Variants in GALNT13 observed in about 807,000 individuals in gnomAD.
GALNT13 encodes polypeptide N-acetylgalactosaminyltransferase 13, also known as UDP-GalNAc:polypeptide N-acetylgalactosaminyltransferase 13.
In GALNT13, 28 loss-of-function variants were observed where a neutral mutation model predicts 64.2. The ratio of observed to expected loss-of-function variants is 0.44; its 90% CI spans 0.32 to 0.60. The LOEUF is 0.60. GALNT13 is among the 20% of genes least tolerant of loss of function. GALNT13 has a pLI of 0.05. For synonymous variants in GALNT13, 214 were observed against 224.6 expected (o/e 0.95, Z 0.42); for missense variants, 577 against 669.8 (o/e 0.86, Z 1.53).
the GALNT13 span, among the ~76,000 whole-genome samples, chr2:153,359,629 G>GAAAAAAAAAAA: frequency 3.4e-4 from 3 of 8,924 alleles, no homozygotes; most frequent in Non-Finnish European, 6.4e-4. Flanking sequence ...CCAGCTTTCA[G>GAAAAAAAAAAA]CAAAAAAAAA....
At chr2:153,422,350 T>G in the GALNT13 span, among the ~76,000 whole-genome samples, 1 of 152,084 alleles carries the variant, frequency 6.6e-6, no homozygotes, top group Non-Finnish European at 1.5e-5. Context: ...AATAGAAGAT[T>G]TTTAAATGGA....
At chr2:154,015,134 A>G (rs187963361) in intron 3 of GALNT13, among the ~76,000 whole-genome samples, 1 of 152,348 alleles carries the variant, frequency 6.6e-6, no homozygotes, top group East Asian at 1.9e-4. Flanking sequence ...AAGTTAAAAA[A>G]GGAAAAATAA....
chr2:153,485,507 C>T, the GALNT13 span, among the ~76,000 whole-genome samples: 5 of 152,302 alleles, frequency 3.3e-5, no homozygotes, highest in South Asian at 1.0e-3. Context: ...AGGTTTGCCG[C>T]CACCCAAACA....
the GALNT13 span, among the ~76,000 whole-genome samples, chr2:153,644,726 C>T: frequency 1.3e-4 from 20 of 152,114 alleles, no homozygotes; most frequent in African/African-American, 4.6e-4. Flanking sequence ...ATTCCTACTA[C>T]GTTGGAATTC....
the GALNT13 span, among the ~76,000 whole-genome samples, chr2:153,846,005 G>A: frequency 6.6e-6 from 1 of 152,162 alleles, no homozygotes; most frequent in African/African-American, 2.4e-5. Flanking sequence ...TGTAACAAAA[G>A]TAAAGGCAAA....
intron 4 of GALNT13, among the ~76,000 whole-genome samples, chr2:154,188,014 T>TTCTC (rs10635676): frequency 0.12 from 17,816 of 144,268 alleles, 1,063 homozygotes; most frequent in East Asian, 0.15. Flanking sequence ...GCATCAGGCA[T>TTCTC]TCTCTCTCTC....
chr2:153,965,946 A>C (rs923559657), intron 3 of GALNT13, among the ~76,000 whole-genome samples: 8 of 151,948 alleles, frequency 5.3e-5, no homozygotes, highest in African/African-American at 1.9e-4. Flanking sequence ...GTTGGTTTTT[A>C]GTTTTCCTAC....
chr2:153,094,548 A>T, the GALNT13 span, among the ~76,000 whole-genome samples: 1 of 152,216 alleles, frequency 6.6e-6, no homozygotes, highest in African/African-American at 2.4e-5. Context: ...TTTAAAGTTC[A>T]TATGGAACCA....
At chr2:153,291,460 A>AT in the GALNT13 span, among the ~76,000 whole-genome samples, 346 of 152,260 alleles carry the variant, frequency 2.3e-3, 3 homozygotes, top group Non-Finnish European at 4.0e-3. Flanking sequence ...CAATAGTAAT[A>AT]TTTTCAACAA....
the GALNT13 span, among the ~76,000 whole-genome samples, chr2:153,193,191 A>G: frequency 0.035 from 5,291 of 151,928 alleles, 305 homozygotes; most frequent in African/African-American, 0.12. Context: ...AAAGACTTGG[A>G]ACCAACCCAA....
At chr2:153,116,854 C>T in the GALNT13 span, among the ~76,000 whole-genome samples, 1 of 124,246 alleles carries the variant, frequency 8.0e-6, no homozygotes, top group African/African-American at 3.0e-5. Context: ...GGCTGGAGTG[C>T]AGGGGCGCGA....
At chr2:153,282,417 T>C in the GALNT13 span, among the ~76,000 whole-genome samples, 1 of 152,160 alleles carries the variant, frequency 6.6e-6, no homozygotes, top group African/African-American at 2.4e-5. Context: ...ATAGCTAGTG[T>C]GATCCTTTTT....
the GALNT13 span, among the ~76,000 whole-genome samples, chr2:153,113,142 A>G: frequency 6.6e-6 from 1 of 152,058 alleles, no homozygotes; most frequent in African/African-American, 2.4e-5. Flanking sequence ...AAGAGATTGT[A>G]TTTGTTGAGG....
chr2:154,105,889 C>A (rs1316365278), intron 3 of GALNT13, among the ~76,000 whole-genome samples: 3 of 152,228 alleles, frequency 2.0e-5, no homozygotes, highest in East Asian at 3.9e-4. Flanking sequence ...CTAGTACCTA[C>A]CGTAGCAGAC....
intron 4 of GALNT13, among the ~76,000 whole-genome samples, chr2:154,148,389 T>G (rs1409817971): frequency 6.6e-6 from 1 of 152,120 alleles, no homozygotes; most frequent in Non-Finnish European, 1.5e-5. Context: ...TAAACATACA[T>G]GTGCACGTGT....
chr2:153,433,210 ACT>A, the GALNT13 span, among the ~76,000 whole-genome samples: 1 of 152,198 alleles, frequency 6.6e-6, no homozygotes, highest in Non-Finnish European at 1.5e-5. Flanking sequence ...TCAAAGGAGA[ACT>A]TGAAACAGGA....
rs183695720 is a variant in GALNT13 at position 154,153,778 on chromosome 2, A to G, written c.311+13273A>G. Among the ~76,000 whole-genome samples the G allele has an allele frequency of 2.7e-3, 410 of 152,294 alleles. 16 individuals carry two copies. The East Asian group carries it at 0.072, about 27-fold the overall frequency. On this transcript the variant is annotated intron_variant, in intron 4 of 12. Coordinates refer to ENST00000392825, the MANE Select transcript of GALNT13 (RefSeq NM_052917.4). ...TCCTGGTGTGCCGTTTTTTAAGCCC[A>G]TTGGAAAAGCGCAGTATTAGGGCGG...
In GALNT13 at chr2:154,340,355, C is replaced by G. The variant is rs572989767; in HGVS notation, c.1156+38766C>G. Among the ~76,000 whole-genome samples the G allele has an allele frequency of 5.3e-5, 8 of 152,226 alleles. No individual in the cohort carries two copies. In the South Asian group the frequency reaches 1.0e-3, roughly 20 times the overall value. On this transcript the variant is annotated intron_variant, in intron 9 of 12. Transcript: ENST00000392825. ...CATCCCACTTCAGCCTTTCCTGTAGCTGGGAACTACAGGTGCATGCCACTG... is the reference window on the plus strand; with the variant it reads ...CATCCCACTTCAGCCTTTCCTGTAGGTGGGAACTACAGGTGCATGCCACTG...
chr2:154,137,740 T>C (rs67458317), intron 3 of GALNT13, among the ~76,000 whole-genome samples: 7,693 of 152,180 alleles, frequency 0.051, 260 homozygotes, highest in South Asian at 0.11. Flanking sequence ...ATCTGCTTCC[T>C]AGTCTTGGAA....
Sources: allele counts gnomAD v4.1 joint callset (sites outside exome capture counted in the v4.1 genomes callset), GRCh38; gene constraint gnomAD v4.1.1; transcripts MANE v1.5; gene names NCBI Gene and HGNC (gene_info 2026-07-23, HGNC 2026-07-21).